The following ADGRB3 variants were observed in gnomAD, a reference collection of about 807,000 sequenced individuals.
ADGRB3 encodes brain-specific angiogenesis inhibitor 3.
A neutral mutation model predicts 193.4 loss-of-function variants in ADGRB3; 37 were observed. The observed-to-expected ratio is 0.19, with a 90% confidence interval of 0.15 to 0.25. ADGRB3 has a LOEUF of 0.25. Ranked by LOEUF, ADGRB3 falls within the 10% of genes least tolerant of loss-of-function variation. The pLI, the probability that ADGRB3 is intolerant of heterozygous loss-of-function variation, is 1.00. For missense variants in ADGRB3, 1,637 were observed against 1,852.9 expected (o/e 0.88, Z 2.14); for synonymous variants, 690 against 644.2 (o/e 1.07, Z -1.08).
intron 3 of ADGRB3, among the ~76,000 whole-genome samples, chr6:68,915,586 G>A (rs1156511120): frequency 2.0e-5 from 3 of 152,098 alleles, no homozygotes; most frequent in African/African-American, 4.8e-5. Context: ...GTGTTGTTGC[G>A]TAGACAGGAG....
At chr6:68,756,411 G>C (rs1015939219) in intron 3 of ADGRB3, among the ~76,000 whole-genome samples, 1 of 152,136 alleles carries the variant, frequency 6.6e-6, no homozygotes, top group African/African-American at 2.4e-5. Context: ...TTGAATCCAA[G>C]GGGGAACTGT....
At chr6:68,763,381 T>A (rs1197043898) in intron 3 of ADGRB3, among the ~76,000 whole-genome samples, 1 of 152,230 alleles carries the variant, frequency 6.6e-6, no homozygotes, top group Non-Finnish European at 1.5e-5. Flanking sequence ...TCAGCCACTG[T>A]GCCTGGCCAC....
At chr6:68,894,207 T>A (rs527674057) in intron 3 of ADGRB3, among the ~76,000 whole-genome samples, 1 of 152,076 alleles carries the variant, frequency 6.6e-6, no homozygotes, top group South Asian at 2.1e-4. Flanking sequence ...TTGAATTTGA[T>A]AACAATAATA....
At chr6:69,116,783 C>G (rs1773544255) in intron 17 of ADGRB3, among the ~76,000 whole-genome samples, 1 of 152,196 alleles carries the variant, frequency 6.6e-6, no homozygotes, top group Non-Finnish European at 1.5e-5. Flanking sequence ...GGGCAGGTGG[C>G]TCATTGCCTG....
chr6:69,090,124 A>G lies in ADGRB3; in HGVS notation c.2480+14086A>G, dbSNP rs544476423. Among the ~76,000 whole-genome samples, 3 of 152,236 alleles carry G rather than the reference A, an allele frequency of 2.0e-5. No individual in the cohort carries two copies. In the South Asian group the frequency reaches 6.2e-4, roughly 32 times the overall value. ...ATTCAAGTAGCCTTCTCTGCTTTTC[A>G]TTTTCTAAACTTCTATTACCTAGGT... On this transcript the variant is annotated intron_variant, in intron 17 of 31. Transcript: ENST00000370598.
chr6:69,185,592 A>G (rs1765049577), intron 17 of ADGRB3, among the ~76,000 whole-genome samples: 1 of 152,158 alleles, frequency 6.6e-6, no homozygotes, highest in Non-Finnish European at 1.5e-5. Flanking sequence ...TGAACTTTTT[A>G]AAGGACTACG....
At chr6:68,846,544 T>C (rs1015150840) in intron 3 of ADGRB3, among the ~76,000 whole-genome samples, 3 of 152,114 alleles carry the variant, frequency 2.0e-5, no homozygotes, top group African/African-American at 4.8e-5. Context: ...TGTCCCAGCC[T>C]CTCCAGCCAT....
chr6:69,024,219 A>G lies in ADGRB3; in HGVS notation c.2107+5720A>G, dbSNP rs151265034. 4.3e-3 allele frequency among the ~76,000 whole-genome samples: 660 copies of G among 152,344 alleles called. 7 individuals are homozygous for G. Among genetic ancestry groups the G allele is most frequent in the African/African-American group, 0.015 (642 of 41,582 alleles). The stretch of plus-strand genomic sequence containing the variant: ...GGTAGTAGGTATAAGGAGTTCCAGG[A>G]CAAGACAGTATAAAATCAGTGTCTT... On this transcript the variant is annotated intron_variant, in intron 13 of 31. Coordinates refer to ENST00000370598, the MANE Select transcript of ADGRB3 (RefSeq NM_001704.3).
intron 17 of ADGRB3, among the ~76,000 whole-genome samples, chr6:69,198,817 G>T (rs968293112): frequency 6.6e-6 from 1 of 152,054 alleles, no homozygotes; most frequent in Non-Finnish European, 1.5e-5. Context: ...CCTAAATATG[G>T]TGTGATTCCA....
At chr6:69,168,789 C>A (rs1176559265) in intron 17 of ADGRB3, among the ~76,000 whole-genome samples, 1 of 152,042 alleles carries the variant, frequency 6.6e-6, no homozygotes, top group African/African-American at 2.4e-5. Flanking sequence ...GACAGAATAT[C>A]ATTTTGTCCT....
intron 3 of ADGRB3, among the ~76,000 whole-genome samples, chr6:68,892,038 C>G (rs1226923312): frequency 6.6e-6 from 1 of 152,140 alleles, no homozygotes; most frequent in African/African-American, 2.4e-5. Context: ...TATTGAGGAA[C>G]TATATTTTTT....
chr6:68,779,462 C>G (rs1347136658), intron 3 of ADGRB3, among the ~76,000 whole-genome samples: 1 of 151,904 alleles, frequency 6.6e-6, no homozygotes, highest in African/African-American at 2.4e-5. Context: ...CTGTTACAGA[C>G]AGAGATTATG....
intron 17 of ADGRB3, among the ~76,000 whole-genome samples, chr6:69,114,116 T>A (rs1773454393): frequency 2.6e-5 from 4 of 152,172 alleles, no homozygotes; most frequent in Admixed American, 2.6e-4. Flanking sequence ...CACTACTCAC[T>A]GAATACTCAC....
At chr6:68,849,350 C>CA (rs372179475) in intron 3 of ADGRB3, among the ~76,000 whole-genome samples, 4,633 of 147,940 alleles carry the variant, frequency 0.031, 234 homozygotes, top group African/African-American at 0.11. Flanking sequence ...ATTTACAATT[C>CA]AAAAAAAAAA....
At chr6:69,330,394 CAT>C (rs1768688757) in intron 22 of ADGRB3, 110 bp from the exon 23 acceptor site, 2 of 630,310 alleles carry the variant, frequency 3.2e-6, no homozygotes, top group Non-Finnish European at 5.1e-6. Context: ...AAATGTTTAA[CAT>C]GTGCCAAAAT....
chr6:68,760,736 C>T (rs1195671786), intron 3 of ADGRB3, among the ~76,000 whole-genome samples: 2 of 152,096 alleles, frequency 1.3e-5, no homozygotes, highest in Non-Finnish European at 2.9e-5. Flanking sequence ...TGCCATTTGC[C>T]AGAATACATT....
intron 17 of ADGRB3, among the ~76,000 whole-genome samples, chr6:69,180,629 G>T (rs1283934702): frequency 6.6e-6 from 1 of 152,166 alleles, no homozygotes; most frequent in Non-Finnish European, 1.5e-5. Context: ...ACCAGTTCCA[G>T]GTTGCCAAGC....
At chr6:69,304,005 A>G (rs909155484) in intron 20 of ADGRB3, among the ~76,000 whole-genome samples, 1 of 151,884 alleles carries the variant, frequency 6.6e-6, no homozygotes, top group African/African-American at 2.4e-5. Flanking sequence ...ACCACCTTAT[A>G]CTTTTAATTG....
chr6:68,942,720 C>A (rs560612888), intron 5 of ADGRB3, among the ~76,000 whole-genome samples: 2 of 152,144 alleles, frequency 1.3e-5, no homozygotes, highest in South Asian at 4.2e-4. Context: ...AAGGGATTCT[C>A]CTGCCTCAGC....
Sources: allele counts gnomAD v4.1 joint callset (sites outside exome capture counted in the v4.1 genomes callset), GRCh38; gene constraint gnomAD v4.1.1; transcripts MANE v1.5; gene names NCBI Gene and HGNC (gene_info 2026-07-23, HGNC 2026-07-21).